KHNYN: variants seen among roughly 807,000 people sequenced by gnomAD.
KHNYN encodes the protein protein KHNYN.
Under a neutral mutation model 62.7 loss-of-function variants are expected in KHNYN, and 42 were observed. The ratio of observed to expected loss-of-function variants is 0.67; its 90% CI spans 0.52 to 0.87. The LOEUF is 0.87. Ranked by LOEUF, KHNYN falls within the 40% of genes least tolerant of loss-of-function variation. KHNYN has a pLI of 0.00. For missense variants in KHNYN, 829 were observed against 874.1 expected (o/e 0.95, Z 0.65); for synonymous variants, 347 against 345.6 (o/e 1.00, Z -0.04).
chr14:24,437,121 G>C lies in KHNYN; in HGVS notation c.1873G>C (p.Gly625Arg). The C allele has an allele frequency of 6.2e-7, 1 of 1,614,214 alleles. No individual in the cohort carries two copies. The highest frequency in any genetic ancestry group is 8.5e-7 in the Non-Finnish European group (1 of 1,180,042). ...GCAGCAGGGGAGAGAAGAGGAAAAA[G>C]GTAGTGGTGGCATTCGGAAGACCCG... Reference protein sequence around the residue: ...KQQQGREEEKGSGGIRKTRET... With the variant: ...KQQQGREEEKRSGGIRKTRET... Residue 625 changes from glycine to arginine, a missense_variant, in exon 8 of 8, where the codon GGT (glycine) becomes CGT (arginine). By Grantham distance (125) the Gly-to-Arg change is moderately radical (BLOSUM62 -2). Transcript: ENST00000553935. The surrounding 1 kb of genome is among the most constrained non-coding windows in gnomAD (Gnocchi z 5.5).
In KHNYN at chr14:24,439,900, T is replaced by A. The variant is rs1566504793; in HGVS notation, c.*2615T>A. On this transcript the variant is annotated 3_prime_UTR_variant, in exon 8 of 8. Coordinates refer to ENST00000553935, the MANE Select transcript of KHNYN (RefSeq NM_015299.3). ...TTACAAGGAGTTGAAAAGATTAATGTCCCAACCTGATGAGATTACGGCCTT... is the reference window on the plus strand; with the variant it reads ...TTACAAGGAGTTGAAAAGATTAATGACCCAACCTGATGAGATTACGGCCTT... 2 of 571,542 alleles carry A rather than the reference T, an allele frequency of 3.5e-6. No homozygotes were observed. The allele number at this position is 571,542 out of a possible 1,614,324, so 35.4% of individuals were successfully genotyped here.
rs754080553 is a variant in KHNYN, at chr14:24,441,703, G to C, written c.*4418G>C. On this transcript the variant is annotated 3_prime_UTR_variant, in exon 8 of 8. Coordinates refer to ENST00000553935, the MANE Select transcript of KHNYN (RefSeq NM_015299.3). ...ACCTGTGACTAAGACCCAGGCCTTG[G>C]GGGGTTGTGGGGCTTTGGTGATGGC... is the stretch of plus-strand genomic sequence containing the variant. 12 of 1,594,414 alleles carry C rather than the reference G, an allele frequency of 7.5e-6. No individual in the cohort carries two copies. The highest frequency in any genetic ancestry group is 9.4e-6 in the Non-Finnish European group (11 of 1,174,520).
rs539143203 is a variant in KHNYN at position 24,439,666 on chromosome 14, A to C, written c.*2381A>C. 5.7e-5 allele frequency: 9 copies of C among 157,614 alleles called. No individual in the cohort carries two copies. The highest frequency in any genetic ancestry group is 5.7e-4 in the East Asian group (3 of 5,302). 9.8% of individuals were successfully genotyped at this position (157,614 alleles called of 1,614,324 possible). ...GAAACGGTGATGAGAGAGACTGCTCATTGTAACTTTCAAAACCCCGTCTTT... is the reference window on the plus strand; with the variant it reads ...GAAACGGTGATGAGAGAGACTGCTCCTTGTAACTTTCAAAACCCCGTCTTT... On this transcript the variant is annotated 3_prime_UTR_variant, in exon 8 of 8. Coordinates refer to ENST00000553935, the MANE Select transcript of KHNYN (RefSeq NM_015299.3).
rs1010001277 is a variant in KHNYN, at chr14:24,432,751, G to C, written c.1379G>C (p.Arg460Pro). The C allele has an allele frequency of 1.2e-6, 2 of 1,614,154 alleles. No homozygotes were observed. Among genetic ancestry groups the C allele is most frequent in the Admixed American group, 1.7e-5 (1 of 60,026 alleles). The change falls in exon 4 of 8, where the codon CGG becomes CCG. Residue 460 changes from arginine (R) to proline (P), a missense_variant. Physicochemically the swap from Arg to Pro is moderately radical, Grantham distance 103. Coordinates refer to ENST00000553935, the MANE Select transcript of KHNYN (RefSeq NM_015299.3). This position sits in a 1 kb window ranked among gnomAD's most constrained non-coding sequence, Gnocchi z 5.6. ...GGCCTCCAGCACTACTTCTCCAGCCGGGGCATTGCCATTGCTGTGCAGTAC... is the reference window on the plus strand; with the variant it reads ...GGCCTCCAGCACTACTTCTCCAGCCCGGGCATTGCCATTGCTGTGCAGTAC... Reference protein sequence around the residue: ...VHGLQHYFSSRGIAIAVQYFW... With the variant: ...VHGLQHYFSSPGIAIAVQYFW...
At chr14:24,434,427 A>G in intron 5 of KHNYN, 1 of 958,218 alleles carries the variant, frequency 1.0e-6, no homozygotes, top group Non-Finnish European at 1.2e-6. Context: ...TGTTTTTGAG[A>G]CGGAGCCTTG....
chr14:24,436,615 C>T (rs1460522342), intron 7 of KHNYN, 126 bp downstream of exon 7: 1 of 683,504 alleles, frequency 1.5e-6, no homozygotes, highest in African/African-American at 1.8e-5. Flanking sequence ...GTTTGAGTTG[C>T]ATTGGCCTTG....
In KHNYN at chr14:24,437,035, G is replaced by T. The variant is rs1256990623; in HGVS notation, c.1788-1G>T. The T allele has an allele frequency of 6.2e-7, 1 of 1,612,504 alleles. No individual in the cohort carries two copies. Among genetic ancestry groups the T allele is most frequent in the Non-Finnish European group, 8.5e-7 (1 of 1,178,798 alleles). ...GCTCTTTTTGGTCTGTTTCTTCCCA[G>T]GACACAGGGGTCTTCTAAGGCTCAG... On this transcript the variant is annotated splice_acceptor_variant, in intron 7 of 7. Coordinates refer to ENST00000553935, the MANE Select transcript of KHNYN (RefSeq NM_015299.3). LOFTEE classifies it high-confidence loss of function. The surrounding 1 kb of genome is among the most constrained non-coding windows in gnomAD (Gnocchi z 5.5).
Position 24,430,789 on chromosome 14 carries a change from C to T in KHNYN, c.59C>T (p.Ala20Val). The change falls in exon 2 of 8, where the codon GCT becomes GTT. Residue 20 changes from alanine (A) to valine (V), a missense_variant. This residue lies in a region of KHNYN where 559 missense variants were observed against 527.0 expected (regional missense o/e 1.06). Transcript: ENST00000553935. ...SPDRFAVSAE[A>V]ENKVREQQPH... ...GATCGCTTTGCGGTGTCTGCGGAGG[C>T]TGAGAACAAGGTTCGGGAACAGCAG... 1 of 1,606,202 alleles carries T rather than the reference C, an allele frequency of 6.2e-7. No individual in the cohort carries two copies. The highest frequency in any genetic ancestry group is 8.5e-7 in the Non-Finnish European group (1 of 1,176,434).
upstream of KHNYN, chr14:24,428,667 C>T: frequency 7.0e-7 from 1 of 1,433,086 alleles, no homozygotes; most frequent in African/African-American, 1.4e-5. Flanking sequence ...TTCTTAAAGC[C>T]TCAGAGACAG....
upstream of KHNYN, chr14:24,428,300 G>A (rs745600854): frequency 9.3e-6 from 15 of 1,613,760 alleles, no homozygotes; most frequent in African/African-American, 9.3e-5. Context: ...ACAGTTTGGC[G>A]GTTGTACACC....
Position 24,437,142 on chromosome 14 carries a change from A to G in KHNYN, c.1894A>G (p.Thr632Ala), listed in dbSNP as rs770895918. ...EEKGSGGIRK[T>A]RETERLRRQL... ...AAAAGGTAGTGGTGGCATTCGGAAG[A>G]CCCGGGAAACAGAGCGGCTCCGGCG... Residue 632 changes from threonine to alanine, a missense_variant, in exon 8 of 8, where the codon ACC becomes GCC. Physicochemically the swap from Thr to Ala is moderately conservative, Grantham distance 58. Around this residue, in one of 2 missense-constraint regions of KHNYN, gnomAD observed 270 missense variants for 347.1 expected, o/e 0.78. Coordinates refer to ENST00000553935, the MANE Select transcript of KHNYN (RefSeq NM_015299.3). This position sits in a 1 kb window ranked among gnomAD's most constrained non-coding sequence, Gnocchi z 5.5. 3 of 1,614,104 alleles carry G rather than the reference A, an allele frequency of 1.9e-6. No individual in the cohort carries two copies. The highest frequency in any genetic ancestry group is 2.2e-5 in the South Asian group (2 of 91,078).
chr14:24,437,592 T>C lies in KHNYN; in HGVS notation c.*307T>C. 1 of 247,056 alleles carries C rather than the reference T, an allele frequency of 4.0e-6. No individual in the cohort carries two copies. The highest frequency in any genetic ancestry group is 7.9e-6 in the Non-Finnish European group (1 of 127,284). The allele number at this position is 247,056 out of a possible 1,614,324, so 15.3% of individuals were successfully genotyped here. ...GGAGACTGAGACTGTTGGCTCCACC[T>C]CCAAGCTGAGCTAGGGTGGAGGGCA... On this transcript the variant is annotated 3_prime_UTR_variant, in exon 8 of 8. Transcript: ENST00000553935. The surrounding 1 kb of genome is among the most constrained non-coding windows in gnomAD (Gnocchi z 5.5).
upstream of KHNYN, chr14:24,429,882 G>A (rs947171081): frequency 5.0e-5 from 51 of 1,012,538 alleles, no homozygotes; most frequent in Non-Finnish European, 5.8e-5. Context: ...CGGCGGCGGG[G>A]TTGGGAGGAG....
chr14:24,429,907 A>G, upstream of KHNYN: 1 of 1,014,208 alleles, frequency 9.9e-7, no homozygotes, highest in Non-Finnish European at 1.2e-6. Context: ...CGCAGCCGGG[A>G]GGAGCTGGGC....
chr14:24,433,668 C>T (rs2043160622), intron 5 of KHNYN, among the ~76,000 whole-genome samples: 1 of 152,216 alleles, frequency 6.6e-6, no homozygotes, highest in Admixed American at 6.5e-5. Flanking sequence ...ATGTGCTTGC[C>T]TTGCTCAAGG....
chr14:24,427,665 C>G, upstream of KHNYN: 1 of 877,270 alleles, frequency 1.1e-6, no homozygotes, highest in Non-Finnish European at 1.9e-6. This position sits in a 1 kb window ranked among gnomAD's most constrained non-coding sequence, Gnocchi z 4.4. Flanking sequence ...GCACAGGGTC[C>G]CATGCAAAGA....
Position 24,435,953 on chromosome 14 carries a change from A to G in KHNYN, c.1578-119A>G, listed in dbSNP as rs929714718. 9.3e-6 allele frequency: 7 copies of G among 750,848 alleles called. No homozygotes were observed. In the African/African-American group the frequency reaches 1.0e-4, roughly 11 times the overall value. The allele number at this position is 750,848 out of a possible 1,614,324, so 46.5% of individuals were successfully genotyped here. On this transcript the variant is annotated intron_variant, in intron 5 of 7. Coordinates refer to ENST00000553935, the MANE Select transcript of KHNYN (RefSeq NM_015299.3). ...GGATACCAATACAGTTTTGCTACAT[A>G]GATATATTGCATAGTGGTGAAGTCT...
At chr14:24,426,227 T>C (rs1296906582), upstream of KHNYN, among the ~76,000 whole-genome samples, 1 of 152,262 alleles carries the variant, frequency 6.6e-6, no homozygotes, top group Non-Finnish European at 1.5e-5. Context: ...CTTCTTTAAA[T>C]TGATTCCTTT....
In KHNYN at chr14:24,441,309, G is replaced by A; in HGVS notation, c.*4024G>A. 2.3e-6 allele frequency: 1 copy of A among 441,506 alleles called. No individual in the cohort carries two copies. Among genetic ancestry groups the A allele is most frequent in the Admixed American group, 4.0e-5 (1 of 24,964 alleles). 27.3% of individuals were successfully genotyped at this position (441,506 alleles called of 1,614,324 possible). ...TACCTACCTCATAGGGTTGTTGTAA[G>A]GAATAAATGATAATAAGCATAAAAC... On this transcript the variant is annotated 3_prime_UTR_variant, in exon 8 of 8. Transcript: ENST00000553935.
Sources: allele counts gnomAD v4.1 joint callset (sites outside exome capture counted in the v4.1 genomes callset), GRCh38; gene constraint gnomAD v4.1.1; regional missense constraint gnomAD v4.1.1; non-coding constraint Gnocchi (gnomAD v3.1); transcripts MANE v1.5; gene names NCBI Gene and HGNC (gene_info 2026-07-23, HGNC 2026-07-21).